Variants in RNF212 observed in about 807,000 individuals in gnomAD.
RNF212 encodes ring finger protein 212.
Under a neutral mutation model 34.7 loss-of-function variants are expected in RNF212, and 33 were observed. The ratio of observed to expected loss-of-function variants is 0.95; its 90% CI spans 0.72 to 1.27. The LOEUF (loss-of-function observed/expected upper bound fraction) is 1.27, where lower values mean the gene tolerates loss of function less well. Among genes scored for constraint, RNF212 ranks in the 50% most tolerant of loss-of-function variants. RNF212 has a pLI of 0.00. For synonymous variants in RNF212, 140 were observed against 136.1 expected (o/e 1.03, Z -0.20); for missense variants, 377 against 362.2 (o/e 1.04, Z -0.33).
chr4:1,107,623 T>G (rs1725031290), intron 2 of RNF212, among the ~76,000 whole-genome samples: 2 of 152,020 alleles, frequency 1.3e-5, no homozygotes, highest in African/African-American at 4.8e-5. Context: ...CTAATTTTTT[T>G]GTATTTTTAG....
intron 2 of RNF212, chr4:1,099,594 A>G: frequency 2.5e-6 from 1 of 396,836 alleles, no homozygotes; most frequent in Non-Finnish European, 5.0e-6. Context: ...TTAAAAGTCA[A>G]GATTGCTCGC....
At chr4:1,063,704 A>C (rs1289127296) in intron 3 of RNF212, among the ~76,000 whole-genome samples, 1 of 151,432 alleles carries the variant, frequency 6.6e-6, no homozygotes, top group African/African-American at 2.4e-5. Flanking sequence ...CAAAAAAAAA[A>C]AAAAAAAGAA....
At chr4:1,056,788 C>A in intron 4 of RNF212, 1 of 937,050 alleles carries the variant, frequency 1.1e-6, no homozygotes, top group Non-Finnish European at 1.3e-6. Context: ...CTTCTTTACA[C>A]ACGCACTTTC....
At chr4:1,069,735 TACCAG>T (rs1214825622), downstream of RNF212, among the ~76,000 whole-genome samples, 3 of 152,226 alleles carry the variant, frequency 2.0e-5, no homozygotes, top group Non-Finnish European at 4.4e-5. Flanking sequence ...CCGGAGGAAA[TACCAG>T]ACAACCCAGG....
In RNF212 at chr4:1,090,860, G is replaced by A. The variant is rs1392978484; in HGVS notation, c.247-22C>T. Reference sequence around the variant, plus strand: ...AAATCTGAAAAGATCATAGGTTTCAGCTGCTGACACAGATCCACGGTCTCT... The same window carrying A: ...AAATCTGAAAAGATCATAGGTTTCAACTGCTGACACAGATCCACGGTCTCT... On this transcript the variant is annotated intron_variant, in intron 3 of 9. Coordinates refer to ENST00000433731, the MANE Select transcript of RNF212 (RefSeq NM_001131034.4). The A allele has an allele frequency of 9.2e-6, 14 of 1,528,494 alleles. 1 individual carries two copies. In the East Asian group the frequency reaches 2.9e-4, roughly 32 times the overall value. The allele number at this position is 1,528,494 out of a possible 1,614,324, so 94.7% of individuals were successfully genotyped here. A position where few individuals can be genotyped will look rare whatever the true frequency, so the allele number is the denominator to read the frequency against.
intron 3 of RNF212, chr4:1,093,497 C>T: frequency 6.8e-7 from 1 of 1,476,450 alleles, no homozygotes; most frequent in African/African-American, 1.5e-5. Flanking sequence ...CACAGTGTAA[C>T]TGACAAACAG....
At chr4:1,083,940 T>C (rs775187430) in intron 5 of RNF212, among the ~76,000 whole-genome samples, 31 of 132,946 alleles carry the variant, frequency 2.3e-4, no homozygotes, top group Non-Finnish European at 4.4e-4. Flanking sequence ...TTCCACATTT[T>C]GTGCATTTTT....
In RNF212 at chr4:1,073,678, G is replaced by C. The variant is rs773145525; in HGVS notation, c.511-16C>G. 1 of 1,587,874 alleles carries C rather than the reference G, an allele frequency of 6.3e-7. No homozygotes were observed. The highest frequency in any genetic ancestry group is 8.6e-7 in the Non-Finnish European group (1 of 1,157,004). ...CTATCTCAGACTAAGAATGCAACAA[G>C]AAAACAATGGGTAAAATTCCAATAT... On this transcript the variant is annotated splice_polypyrimidine_tract_variant and intron_variant, in intron 8 of 9. Coordinates refer to ENST00000433731, the MANE Select transcript of RNF212 (RefSeq NM_001131034.4).
intron 1 of RNF212, among the ~76,000 whole-genome samples, chr4:1,109,453 A>G (rs1240133065): frequency 1.3e-5 from 2 of 152,198 alleles, no homozygotes; most frequent in African/African-American, 4.8e-5. Context: ...TCCAGGGAGG[A>G]CATCAGGTCC....
intron 3 of RNF212, among the ~76,000 whole-genome samples, chr4:1,092,233 A>T (rs1046692429): frequency 6.6e-6 from 1 of 152,144 alleles, no homozygotes; most frequent in Non-Finnish European, 1.5e-5. Context: ...GTTCTTAGAG[A>T]AAGGCCTTGG....
intron 5 of RNF212, chr4:1,081,890 C>T (rs1720412937): frequency 2.2e-6 from 1 of 447,536 alleles, no homozygotes; most frequent in Non-Finnish European, 4.1e-6. Flanking sequence ...AGCACATGGC[C>T]ACTGCGGGTG....
At chr4:1,056,791 G>T (rs888148593) in intron 4 of RNF212, 2 of 952,772 alleles carry the variant, frequency 2.1e-6, no homozygotes, top group Non-Finnish European at 2.5e-6. Flanking sequence ...CTTTACACAC[G>T]CACTTTCCCA....
intron 3 of RNF212, among the ~76,000 whole-genome samples, chr4:1,095,741 G>C (rs1375152260): frequency 6.0e-5 from 3 of 49,914 alleles, no homozygotes. Flanking sequence ...ACAGAACCAA[G>C]CACACCTCCC....
chr4:1,093,889 G>T lies in RNF212; in HGVS notation c.246+2876C>A, dbSNP rs538908858. The T allele has an allele frequency of 5.4e-4, 822 of 1,536,228 alleles. 9 individuals are homozygous for T. The South Asian group carries it at 7.7e-3, about 14-fold the overall frequency. ...CTGGTCTGGGTGCCCGTGTTGTGCT[G>T]ACCCAGTGTTCTTGGGGATCTCTGG... On this transcript the variant is annotated intron_variant, in intron 3 of 9. Transcript: ENST00000433731.
intron 4 of RNF212, chr4:1,056,921 G>A (rs760920668): frequency 9.9e-5 from 98 of 987,934 alleles, no homozygotes; most frequent in Non-Finnish European, 1.1e-4. Flanking sequence ...GAAGCTTGGA[G>A]AGTCCCCTCT....
intron 5 of RNF212, among the ~76,000 whole-genome samples, chr4:1,083,629 C>T (rs111747006): frequency 0.02 from 2,905 of 142,390 alleles, 98 homozygotes; most frequent in African/African-American, 0.074. Flanking sequence ...CAGAGTGAGA[C>T]TCTGTCTCAA....
chr4:1,103,083 T>C (rs1032105827), intron 2 of RNF212, among the ~76,000 whole-genome samples: 1 of 152,010 alleles, frequency 6.6e-6, no homozygotes, highest in African/African-American at 2.4e-5. Context: ...ATTATGGAAC[T>C]TACAGACATG....
At chr4:1,096,914 T>C in intron 2 of RNF212, 75 bp from the exon 3 acceptor site, 1 of 1,115,918 alleles carries the variant, frequency 9.0e-7, no homozygotes, top group African/African-American at 1.5e-5. Flanking sequence ...AAACTGTACT[T>C]GAAGACCTAG....
intron 8 of RNF212, among the ~76,000 whole-genome samples, chr4:1,074,353 G>C (rs1718934512): frequency 6.6e-6 from 1 of 152,192 alleles, no homozygotes; most frequent in Admixed American, 6.5e-5. Context: ...CCTGTTCCCA[G>C]GCTCCTTGCC....
Sources: allele counts gnomAD v4.1 joint callset (sites outside exome capture counted in the v4.1 genomes callset), GRCh38; gene constraint gnomAD v4.1.1; transcripts MANE v1.5; gene names NCBI Gene and HGNC (gene_info 2026-07-23, HGNC 2026-07-21).